The following GPC6 variants were observed in gnomAD, a reference collection of about 807,000 sequenced individuals.
The protein encoded by GPC6 is glypican-6.
In GPC6, 14 loss-of-function variants were observed where a neutral mutation model predicts 55.2. That is an observed-to-expected ratio of 0.25 (90% CI 0.17 to 0.40). The LOEUF (loss-of-function observed/expected upper bound fraction) is 0.40. Among genes scored for constraint, GPC6 ranks in the 10% least tolerant of loss-of-function variants. The pLI is 1.00. For synonymous variants in GPC6, 278 were observed against 259.6 expected (o/e 1.07, Z -0.68); for missense variants, 641 against 708.5 (o/e 0.90, Z 1.08).
chr13:93,634,851 T>A (rs1046429117), intron 2 of GPC6, among the ~76,000 whole-genome samples: 1 of 152,204 alleles, frequency 6.6e-6, no homozygotes, highest in African/African-American at 2.4e-5. Flanking sequence ...AGGGTGTGAG[T>A]TTTTAACTTT....
intron 6 of GPC6, among the ~76,000 whole-genome samples, chr13:94,339,454 C>G (rs1594185003): frequency 6.6e-6 from 1 of 152,110 alleles, no homozygotes; most frequent in East Asian, 1.9e-4. Context: ...TTTGACTGCT[C>G]ACTCGGGGCC....
intron 4 of GPC6, among the ~76,000 whole-genome samples, chr13:94,041,278 A>G (rs577990386): frequency 3.9e-5 from 6 of 151,934 alleles, no homozygotes; most frequent in African/African-American, 1.4e-4. Flanking sequence ...CAGCAGAGGA[A>G]TAGCCACTTG....
intron 3 of GPC6, among the ~76,000 whole-genome samples, chr13:93,942,363 AGGCTGGAGT>A (rs2140364281): frequency 1.3e-5 from 2 of 152,284 alleles, no homozygotes; most frequent in East Asian, 3.9e-4. Flanking sequence ...TCTGTCACCC[AGGCTGGAGT>A]GTAGTGGTAC....
intron 3 of GPC6, among the ~76,000 whole-genome samples, chr13:93,966,877 A>C (rs1594627707): frequency 6.7e-6 from 1 of 150,192 alleles, no homozygotes; most frequent in East Asian, 2.0e-4. Flanking sequence ...CTCATCTCAA[A>C]CTCCTAGGCT....
chr13:93,464,739 G>T (rs1292703781), intron 1 of GPC6, among the ~76,000 whole-genome samples: 1 of 152,156 alleles, frequency 6.6e-6, no homozygotes, highest in Non-Finnish European at 1.5e-5. Context: ...TCCTCTCATG[G>T]ATCACAAATG....
intron 2 of GPC6, among the ~76,000 whole-genome samples, chr13:93,602,362 A>G (rs946912941): frequency 6.6e-6 from 1 of 152,194 alleles, no homozygotes; most frequent in Admixed American, 6.5e-5. Context: ...ACTTTCATGA[A>G]ATATTAAAAT....
intron 3 of GPC6, among the ~76,000 whole-genome samples, chr13:93,881,718 A>T (rs774571118): frequency 2.0e-5 from 3 of 151,986 alleles, no homozygotes; most frequent in African/African-American, 7.2e-5. Context: ...CATATGGTTC[A>T]ATATATATAT....
rs946705528 is a variant in GPC6, at chr13:93,426,743, G to T, written c.161-118520G>T. On this transcript the variant is annotated intron_variant, in intron 1 of 8. Transcript: ENST00000377047. Reference sequence around the variant, plus strand: ...AGCAGCATGATTTATAGTCCTTTGGGTATACACCCAGTAATGGGATGGCTG... The same window carrying T: ...AGCAGCATGATTTATAGTCCTTTGGTTATACACCCAGTAATGGGATGGCTG... Among the ~76,000 whole-genome samples the T allele has an allele frequency of 5.0e-3, 764 of 152,156 alleles. 9 individuals are homozygous for T. Among genetic ancestry groups the T allele is most frequent in the African/African-American group, 0.018 (728 of 41,498 alleles).
At chr13:93,678,574 G>A (rs559719125) in intron 2 of GPC6, among the ~76,000 whole-genome samples, 3 of 152,224 alleles carry the variant, frequency 2.0e-5, no homozygotes, top group African/African-American at 7.2e-5. Context: ...CTAGACAATT[G>A]TGCAATATAA....
At chr13:93,714,829 A>C (rs1566500503) in intron 2 of GPC6, among the ~76,000 whole-genome samples, 1 of 151,454 alleles carries the variant, frequency 6.6e-6, no homozygotes, top group Admixed American at 6.6e-5. Context: ...AATTAGAGGG[A>C]GGGTTATTCA....
At chr13:93,788,448 G>A (rs1885882477) in intron 2 of GPC6, among the ~76,000 whole-genome samples, 1 of 151,678 alleles carries the variant, frequency 6.6e-6, no homozygotes, top group South Asian at 2.1e-4. Flanking sequence ...TCAAACCACA[G>A]CATACCACAA....
rs537293325 is a variant in GPC6 at position 93,919,503 on chromosome 13, G to T, written c.711+88958G>T. On this transcript the variant is annotated intron_variant, in intron 3 of 8. Transcript: ENST00000377047. The stretch of plus-strand genomic sequence containing the variant: ...CTTCAAAATTATAAAGTTTTCTTTG[G>T]CCTGCCTCCTTTCATAAAAATGTCA... Among the ~76,000 whole-genome samples the T allele has an allele frequency of 1.9e-4, 29 of 152,158 alleles. 1 individual carries two copies. Among genetic ancestry groups the T allele is most frequent in the Admixed American group, 1.8e-3 (28 of 15,286 alleles).
chr13:93,478,515 T>G (rs921763211), intron 1 of GPC6, among the ~76,000 whole-genome samples: 1 of 152,206 alleles, frequency 6.6e-6, no homozygotes, highest in Non-Finnish European at 1.5e-5. Context: ...GAAATTATCA[T>G]GGTTCTATAA....
chr13:93,456,598 G>C (rs1211823901), intron 1 of GPC6, among the ~76,000 whole-genome samples: 1 of 152,008 alleles, frequency 6.6e-6, no homozygotes, highest in Non-Finnish European at 1.5e-5. Flanking sequence ...GGGTGACTTA[G>C]CAGAAATTAT....
At chr13:93,788,527 A>ACACACG (rs1885886966) in intron 2 of GPC6, among the ~76,000 whole-genome samples, 1 of 151,314 alleles carries the variant, frequency 6.6e-6, no homozygotes, top group Non-Finnish European at 1.5e-5. Flanking sequence ...TTACACACAC[A>ACACACG]CACACACACA....
intron 4 of GPC6, among the ~76,000 whole-genome samples, chr13:94,033,679 T>C (rs890237296): frequency 6.6e-6 from 1 of 152,188 alleles, no homozygotes; most frequent in Non-Finnish European, 1.5e-5. Flanking sequence ...AGAAACTCTT[T>C]TAGTTACAAA....
intron 4 of GPC6, among the ~76,000 whole-genome samples, chr13:94,234,443 A>T (rs1890815963): frequency 6.6e-6 from 1 of 151,944 alleles, no homozygotes; most frequent in Non-Finnish European, 1.5e-5. Flanking sequence ...TACTGAAGCT[A>T]AAAATTAGTT....
chr13:93,800,534 T>A (rs1331102354), intron 2 of GPC6, among the ~76,000 whole-genome samples: 1 of 152,148 alleles, frequency 6.6e-6, no homozygotes, highest in Non-Finnish European at 1.5e-5. Flanking sequence ...GAGCAGAGAT[T>A]AGTGTCAGGA....
At chr13:94,256,073 G>A (rs1182942009) in intron 4 of GPC6, among the ~76,000 whole-genome samples, 1 of 152,088 alleles carries the variant, frequency 6.6e-6, no homozygotes, top group East Asian at 1.9e-4. Context: ...AAAAAAAACA[G>A]TCAGTAAAGA....
Sources: gnomAD v4.1 joint callset for allele counts (sites outside exome capture counted in the v4.1 genomes callset) on GRCh38, gnomAD v4.1.1 for gene constraint, MANE v1.5 for transcripts, NCBI Gene and HGNC (gene_info 2026-07-23, HGNC 2026-07-21) for gene names.